The following AFM variants were observed in gnomAD, a reference collection of about 807,000 sequenced individuals.
The protein encoded by AFM is alpha-Alb.
Under a neutral mutation model 68.7 loss-of-function variants are expected in AFM, and 82 were observed. The ratio of observed to expected loss-of-function variants is 1.19; its 90% CI spans 1.00 to 1.43. The LOEUF is 1.43. Among genes scored for constraint, AFM ranks in the 40% most tolerant of loss-of-function variants. The probability of loss-of-function intolerance (pLI) is 0.00; values close to 1 mark genes in which losing one functional copy is unlikely to be tolerated. For missense variants in AFM, 772 were observed against 701.8 expected (o/e 1.10, Z -1.13); for synonymous variants, 250 against 234.2 (o/e 1.07, Z -0.61).
intron 14 of AFM, among the ~76,000 whole-genome samples, chr4:73,503,594 G>A (rs1047947382): frequency 2.0e-5 from 3 of 152,064 alleles, no homozygotes; most frequent in Admixed American, 6.6e-5. Flanking sequence ...AACAAAAAGC[G>A]ATATGTTTGT....
rs773871399 is a variant in AFM at position 73,491,964 on chromosome 4, G to C, written c.936G>C (p.Gln312His). Residue 312 changes from glutamine to histidine, a missense_variant, in exon 8 of 15, where the codon CAG (glutamine) becomes CAC (histidine). By Grantham distance (24) the Gln-to-His change is conservative. Coordinates refer to ENST00000226355, the MANE Select transcript of AFM (RefSeq NM_001133.2). ...CCEKKIPERG[Q>H]CIINSNKDDR... The stretch of plus-strand genomic sequence containing the variant: ...AAAAGAAAATACCAGAGCGCGGCCA[G>C]TGCATAATTAACTCAAACAAAGATG... 3.1e-6 allele frequency: 5 copies of C among 1,613,982 alleles called. No homozygotes were observed. The East Asian group carries it at 1.1e-4, about 36-fold the overall frequency.
At position 73,488,690 on chromosome 4, in the gene AFM, T is replaced by C; in HGVS notation, c.774T>C (p.Leu258=). The part of the protein sequence containing the change: ...PKIEFKELIS[L]VEDVSSNYDG... ...TTGAATTTAAGGAGCTTATTTCTCT[T>C]GTAGAAGATGTTTCTTCCAACTATG... Residue 258 remains leucine (L), a synonymous_variant, in exon 7 of 15, where the codon CTT becomes CTC. Coordinates refer to ENST00000226355, the MANE Select transcript of AFM (RefSeq NM_001133.2). 6.2e-7 allele frequency: 1 copy of C among 1,613,148 alleles called. No homozygotes were observed. Among genetic ancestry groups the C allele is most frequent in the East Asian group, 2.2e-5 (1 of 44,824 alleles).
chr4:73,497,670 A>G lies in AFM; in HGVS notation c.1210A>G (p.Thr404Ala). The G allele has an allele frequency of 6.2e-7, 1 of 1,605,896 alleles. No homozygotes were observed. The highest frequency in any genetic ancestry group is 8.5e-7 in the Non-Finnish European group (1 of 1,175,932). ...TTTTCAGGAAGACAAATTCAATGAG[A>G]CAACTGAGAAAAGCCTCAAGATGGT... ...YRYAEDKFNETTEKSLKMVQQ... is the reference protein window; with the variant it reads ...YRYAEDKFNEATEKSLKMVQQ... The change falls in exon 10 of 15, where the codon ACA becomes GCA. Residue 404 changes from threonine (T) to alanine (A), a missense_variant. Transcript: ENST00000226355.
intron 3 of AFM, among the ~76,000 whole-genome samples, chr4:73,484,790 G>A (rs1413062341): frequency 2.0e-5 from 3 of 151,994 alleles, no homozygotes; most frequent in South Asian, 2.1e-4. Flanking sequence ...TCCCAACTTG[G>A]CCTCCCAAAG....
At chr4:73,498,886 C>T (rs963596777) in intron 10 of AFM, among the ~76,000 whole-genome samples, 13 of 152,112 alleles carry the variant, frequency 8.5e-5, no homozygotes, top group African/African-American at 3.1e-4. Context: ...AATCTAAGAG[C>T]TTCTGAGACA....
chr4:73,503,927 A>G lies in AFM; in HGVS notation c.*92A>G, dbSNP rs1338540602. On this transcript the variant is annotated 3_prime_UTR_variant, in exon 15 of 15. Coordinates refer to ENST00000226355, the MANE Select transcript of AFM (RefSeq NM_001133.2). Reference sequence around the variant, plus strand: ...GAATCGCATTTCCTGAGAACAAAATAAAAGGATTTTTCTGTAACTGTCACC... The same window carrying G: ...GAATCGCATTTCCTGAGAACAAAATGAAAGGATTTTTCTGTAACTGTCACC... 1.3e-5 allele frequency: 2 copies of G among 152,162 alleles called. No homozygotes were observed. Among genetic ancestry groups the G allele is most frequent in the South Asian group, 2.1e-4 (1 of 4,828 alleles). The allele number at this position is 152,162 out of a possible 1,614,324, so 9.4% of individuals were successfully genotyped here.
At chr4:73,499,391 T>C (rs1392124590) in intron 11 of AFM, 145 bp downstream of exon 11, 1 of 876,008 alleles carries the variant, frequency 1.1e-6, no homozygotes, top group Admixed American at 3.9e-5. Flanking sequence ...GTTTTCCTTT[T>C]GGCTCACTTT....
At chr4:73,485,508 T>C (rs907621003) in intron 3 of AFM, among the ~76,000 whole-genome samples, 8 of 145,038 alleles carry the variant, frequency 5.5e-5, no homozygotes, top group African/African-American at 2.1e-4. Flanking sequence ...GCACAACATA[T>C]CAAGATCCCA....
chr4:73,493,111 A>ATAG (rs1381245533), intron 8 of AFM, among the ~76,000 whole-genome samples: 1 of 152,198 alleles, frequency 6.6e-6, no homozygotes, highest in Non-Finnish European at 1.5e-5. Flanking sequence ...AGATAGGTAG[A>ATAG]GCATGAATTG....
rs1553893991 is a variant in AFM at position 73,484,474 on chromosome 4, C to CT, written c.270+87dup. On this transcript the variant is annotated intron_variant, in intron 3 of 14. Transcript: ENST00000226355. ...TCTTTCTTTCTTTCTTTCTTTCTTT[C>CT]TTTCTTTCTTTCTTTCTTTCTTTCT... The CT allele has an allele frequency of 6.8e-6, 4 of 585,052 alleles. No homozygotes were observed. In the East Asian group the frequency reaches 1.4e-4, roughly 20 times the overall value. The allele number at this position is 585,052 out of a possible 1,614,324, so 36.2% of individuals were successfully genotyped here.
At chr4:73,498,534 C>T (rs1235027821) in intron 10 of AFM, among the ~76,000 whole-genome samples, 1 of 152,146 alleles carries the variant, frequency 6.6e-6, no homozygotes, top group Non-Finnish European at 1.5e-5. Flanking sequence ...CAATCCAACC[C>T]TTCGGACTTT....
chr4:73,485,368 G>A (rs1720862423), intron 3 of AFM, among the ~76,000 whole-genome samples: 1 of 152,144 alleles, frequency 6.6e-6, no homozygotes. Flanking sequence ...GAGGAACAAA[G>A]ATTCTGAAAG....
intron 7 of AFM, among the ~76,000 whole-genome samples, chr4:73,489,635 A>T (rs1164094333): frequency 2.0e-5 from 3 of 152,144 alleles, no homozygotes; most frequent in Non-Finnish European, 2.9e-5. Context: ...GTGTCCTTTA[A>T]CCAACATCTC....
At chr4:73,503,203 G>A (rs560906103) in intron 14 of AFM, 93 bp downstream of exon 14, 2 of 980,302 alleles carry the variant, frequency 2.0e-6, no homozygotes, top group East Asian at 2.5e-5. Flanking sequence ...GTCTATTTCT[G>A]GTTCATCCTA....
intron 11 of AFM, 24 bp downstream of exon 11, chr4:73,499,270 C>A: frequency 1.4e-6 from 2 of 1,475,578 alleles, no homozygotes; most frequent in Non-Finnish European, 1.8e-6. Flanking sequence ...GTGTACCAGA[C>A]TACTCTTTTT....
At position 73,484,499 on chromosome 4, in the gene AFM, TTTCTTTCATTCTTTCTTTC is replaced by T. The variant is rs1256329499; in HGVS notation, c.270+117_270+135del. 2.6e-4 allele frequency: 171 copies of T among 658,608 alleles called. No homozygotes were observed. The African/African-American group carries it at 3.6e-3, about 14-fold the overall frequency. The allele number at this position is 658,608 out of a possible 1,614,324, so 40.8% of individuals were successfully genotyped here. Reference sequence around the variant, plus strand: ...CTTTCTTTCTTTCTTTCTTTCTTTCTTTCTTTCATTCTTTCTTTCTTCTTTCTTTCTTTCTTTCCTTCTT... The same window carrying T: ...CTTTCTTTCTTTCTTTCTTTCTTTCTTTCTTTCTTTCTTTCTTTCCTTCTT... On this transcript the variant is annotated intron_variant, in intron 3 of 14. Coordinates refer to ENST00000226355, the MANE Select transcript of AFM (RefSeq NM_001133.2).
chr4:73,482,259 T>G (rs1327327192), intron 1 of AFM, among the ~76,000 whole-genome samples: 1 of 152,262 alleles, frequency 6.6e-6, no homozygotes, highest in African/African-American at 2.4e-5. Flanking sequence ...CAACTATATC[T>G]TTATGGAATG....
intron 4 of AFM, among the ~76,000 whole-genome samples, chr4:73,486,421 A>G (rs1445979851): frequency 3.9e-5 from 6 of 152,210 alleles, no homozygotes; most frequent in African/African-American, 1.4e-4. Context: ...CAGACATTCA[A>G]TTACAGGATG....
At chr4:73,494,060 GGTGTGT>G (rs60080861) in intron 8 of AFM, among the ~76,000 whole-genome samples, 1,931 of 147,644 alleles carry the variant, frequency 0.013, 67 homozygotes, top group East Asian at 0.13. Context: ...CATGTTTTTA[GGTGTGT>G]GTGTGTGTGT....
Sources: gnomAD v4.1 joint callset for allele counts (sites outside exome capture counted in the v4.1 genomes callset) on GRCh38, gnomAD v4.1.1 for gene constraint, MANE v1.5 for transcripts, NCBI Gene and HGNC (gene_info 2026-07-23, HGNC 2026-07-21) for gene names.